CSGALNACT1: variants seen among roughly 807,000 people sequenced by gnomAD.
CSGALNACT1 encodes the protein beta4GalNAcT-1.
CSGALNACT1 carries 52 observed loss-of-function variants against 51.0 expected under a neutral mutation model. The observed-to-expected ratio is 1.02, with a 90% CI of 0.82 to 1.29. The LOEUF is 1.29. CSGALNACT1 is among the 50% of genes most tolerant of loss of function. The pLI is 0.00. For missense variants in CSGALNACT1, 935 were observed against 679.2 expected (o/e 1.38, Z -4.19); for synonymous variants, 341 against 254.4 (o/e 1.34, Z -3.24).
At chr8:19,405,742 G>C in exon 10 of CSGALNACT1, 1 of 1,613,290 alleles carries the variant, frequency 6.2e-7, no homozygotes, top group Non-Finnish European at 8.5e-7. Flanking sequence ...ATTGCAAAAG[G>C]AAAGAAAAAG....
chr8:19,708,195 A>T (rs962181203), intron 1 of CSGALNACT1, among the ~76,000 whole-genome samples: 1 of 152,172 alleles, frequency 6.6e-6, no homozygotes. Flanking sequence ...TTTTATTTTG[A>T]CATTCTAATG....
At chr8:19,414,673 T>C (rs2056532846) in intron 8 of CSGALNACT1, among the ~76,000 whole-genome samples, 1 of 152,128 alleles carries the variant, frequency 6.6e-6, no homozygotes, top group African/African-American at 2.4e-5. Flanking sequence ...CAAATGACAG[T>C]GGCAACAGTC....
intron 1 of CSGALNACT1, among the ~76,000 whole-genome samples, chr8:19,725,277 T>C (rs1382727696): frequency 6.6e-6 from 1 of 152,186 alleles, no homozygotes; most frequent in Non-Finnish European, 1.5e-5. Flanking sequence ...TTGGAAGGCA[T>C]AGCTATAAGA....
In CSGALNACT1 at chr8:19,744,079, G is replaced by GA. The variant is rs554582799; in HGVS notation, c.-297+13770dup. ...CTTTGCCTAATTAGACTTCACACGA[G>GA]AAAAAAAACTCTTTAATATTTAACA... On this transcript the variant is annotated intron_variant, in intron 1 of 1. Transcript: ENST00000517494. Among the ~76,000 whole-genome samples the GA allele has an allele frequency of 1.1e-4, 17 of 151,982 alleles. 2 individuals are homozygous for GA. The South Asian group carries it at 2.3e-3, about 20-fold the overall frequency.
chr8:19,535,827 C>A (rs1371091125), intron 3 of CSGALNACT1, among the ~76,000 whole-genome samples: 1 of 152,116 alleles, frequency 6.6e-6, no homozygotes, highest in East Asian at 1.9e-4. Context: ...GAGGGAATTT[C>A]CTCCACTGGA....
At chr8:19,451,831 A>G (rs190544950) in intron 5 of CSGALNACT1, among the ~76,000 whole-genome samples, 1 of 152,326 alleles carries the variant, frequency 6.6e-6, no homozygotes, top group Admixed American at 6.5e-5. Flanking sequence ...ATCCGCATAG[A>G]ACTGCAAGGC....
chr8:19,719,235 T>G (rs2154238490), intron 1 of CSGALNACT1, among the ~76,000 whole-genome samples: 1 of 152,366 alleles, frequency 6.6e-6, no homozygotes, highest in South Asian at 2.1e-4. Context: ...ATTTATATTT[T>G]ATCTTGCCAC....
intron 3 of CSGALNACT1, among the ~76,000 whole-genome samples, chr8:19,545,584 A>G (rs1485089998): frequency 6.6e-6 from 1 of 152,038 alleles, no homozygotes; most frequent in African/African-American, 2.4e-5. Context: ...TGGTGTTTCA[A>G]ACATAATATG....
Position 19,507,370 on chromosome 8 carries a change from C to T in CSGALNACT1, c.-296-1240G>A, listed in dbSNP as rs143233149. On this transcript the variant is annotated intron_variant, in intron 3 of 9. Coordinates refer to ENST00000454498, the Ensembl canonical transcript of CSGALNACT1. ...TGCTCTGCACCTCAACTCTCAATCTCAACAAATGAGAAGCCAGTCTGCCTG... is the reference window on the plus strand; with the variant it reads ...TGCTCTGCACCTCAACTCTCAATCTTAACAAATGAGAAGCCAGTCTGCCTG... Among the ~76,000 whole-genome samples, 700 of 151,950 alleles carry T rather than the reference C, an allele frequency of 4.6e-3. 5 individuals carry two copies. The highest frequency in any genetic ancestry group is 0.016 in the African/African-American group (646 of 41,446).
chr8:19,439,916 C>T, exon 6 of CSGALNACT1: 1 of 1,614,014 alleles, frequency 6.2e-7, no homozygotes, highest in Non-Finnish European at 8.5e-7. Context: ...TCCCATCCTG[C>T]TCAATGCACA....
chr8:19,476,510 G>A (rs1273631976), intron 4 of CSGALNACT1, among the ~76,000 whole-genome samples: 2 of 152,072 alleles, frequency 1.3e-5, no homozygotes, highest in African/African-American at 4.8e-5. Context: ...CCAAAGTGCT[G>A]GGGTTACATG....
intron 1 of CSGALNACT1, among the ~76,000 whole-genome samples, chr8:19,612,981 G>T (rs1182811862): frequency 9.9e-5 from 2 of 20,284 alleles, no homozygotes; most frequent in Non-Finnish European, 1.1e-4. Flanking sequence ...AAAAAAAAAA[G>T]CACAGCTGAC....
chr8:19,636,163 C>T (rs575238135), intron 1 of CSGALNACT1, among the ~76,000 whole-genome samples: 1 of 152,110 alleles, frequency 6.6e-6, no homozygotes, highest in Non-Finnish European at 1.5e-5. Context: ...AGTAAACAGG[C>T]GAGTACAATA....
At chr8:19,637,027 C>T (rs1300166201) in intron 1 of CSGALNACT1, among the ~76,000 whole-genome samples, 1 of 136,200 alleles carries the variant, frequency 7.3e-6, no homozygotes, top group East Asian at 2.0e-4. Context: ...CTGTTCTCTA[C>T]TAAAAAAAAA....
upstream of CSGALNACT1, among the ~76,000 whole-genome samples, chr8:19,604,839 C>T (rs562854583): frequency 2.7e-5 from 4 of 148,416 alleles, no homozygotes; most frequent in African/African-American, 9.9e-5. Context: ...GGCATGAACC[C>T]GGGAGGCGGA....
chr8:19,461,410 G>C (rs916871122), intron 4 of CSGALNACT1, among the ~76,000 whole-genome samples: 3 of 152,088 alleles, frequency 2.0e-5, no homozygotes, highest in African/African-American at 7.3e-5. Flanking sequence ...ATTCACCATG[G>C]AGGGTGTATC....
chr8:19,643,802 T>C (rs1046358669), intron 1 of CSGALNACT1, among the ~76,000 whole-genome samples: 2 of 152,222 alleles, frequency 1.3e-5, no homozygotes, highest in African/African-American at 4.8e-5. Context: ...TGTTGGAGAA[T>C]ATTGAGTCCA....
chr8:19,439,729 A>G lies in CSGALNACT1; in HGVS notation c.953+101T>C, dbSNP rs981287711. Reference sequence around the variant, plus strand: ...AATCAATCCATCCCAGTTCACCCACAGTGTAAAGGAAAATAAAATTAAGCA... The same window carrying G: ...AATCAATCCATCCCAGTTCACCCACGGTGTAAAGGAAAATAAAATTAAGCA... On this transcript the variant is annotated intron_variant, in intron 6 of 9. Transcript: ENST00000454498. 11 of 888,110 alleles carry G rather than the reference A, an allele frequency of 1.2e-5. No individual in the cohort carries two copies. In the Admixed American group the frequency reaches 2.0e-4, roughly 16 times the overall value. The allele number at this position is 888,110 out of a possible 1,614,324, so 55.0% of individuals were successfully genotyped here.
At chr8:19,516,039 G>A (rs1461442586) in intron 3 of CSGALNACT1, among the ~76,000 whole-genome samples, 4 of 152,208 alleles carry the variant, frequency 2.6e-5, no homozygotes, top group East Asian at 1.9e-4. Context: ...CCTGACTCCC[G>A]GAGTCTTTTG....
Sources: allele counts gnomAD v4.1 joint callset (sites outside exome capture counted in the v4.1 genomes callset), GRCh38; gene constraint gnomAD v4.1.1; transcripts MANE v1.5; gene names NCBI Gene and HGNC (gene_info 2026-07-23, HGNC 2026-07-21).